ACO1: variants seen among roughly 807,000 people sequenced by gnomAD.
The protein encoded by ACO1 is aconitase 1.
A neutral mutation model predicts 105.1 loss-of-function variants in ACO1; 78 were observed. That is an observed-to-expected ratio of 0.74 (90% CI 0.62 to 0.90). The LOEUF is 0.90. ACO1 is among the 40% of genes least tolerant of loss of function. ACO1 has a pLI of 0.00. For synonymous variants in ACO1, 364 were observed against 397.4 expected (o/e 0.92, Z 1.00); for missense variants, 965 against 1,111.1 (o/e 0.87, Z 1.87).
chr9:32,411,062 G>A (rs1400973683), intron 4 of ACO1, among the ~76,000 whole-genome samples: 2 of 152,094 alleles, frequency 1.3e-5, no homozygotes, highest in African/African-American at 4.8e-5. Context: ...CTAAGGCCTA[G>A]CTAAGGACCA....
chr9:32,390,740 G>A (rs1821250334), intron 1 of ACO1, among the ~76,000 whole-genome samples: 1 of 152,104 alleles, frequency 6.6e-6, no homozygotes, highest in Admixed American at 6.5e-5. Flanking sequence ...AAAGAATCAT[G>A]GTGAAAAGAG....
intron 4 of ACO1, among the ~76,000 whole-genome samples, chr9:32,416,511 T>G (rs1041540309): frequency 5.3e-5 from 8 of 152,152 alleles, no homozygotes. Context: ...ATTGATACCA[T>G]GTCCTTCTGG....
intron 18 of ACO1, among the ~76,000 whole-genome samples, chr9:32,438,498 T>C (rs1160919327): frequency 1.3e-5 from 2 of 152,190 alleles, no homozygotes; most frequent in African/African-American, 4.8e-5. Context: ...GCTCCAGGAA[T>C]GATAGCTCCA....
At chr9:32,433,532 C>A (rs1822286511) in intron 15 of ACO1, among the ~76,000 whole-genome samples, 196 bp from the exon 16 acceptor site, 1 of 152,118 alleles carries the variant, frequency 6.6e-6, no homozygotes, top group South Asian at 2.1e-4. Context: ...CTACCATGCC[C>A]AGCCCACAGT....
intron 1 of ACO1, among the ~76,000 whole-genome samples, chr9:32,396,956 A>T (rs536527369): frequency 7.2e-5 from 11 of 152,342 alleles, no homozygotes; most frequent in Non-Finnish European, 1.2e-4. Context: ...TGGCTAATTC[A>T]AAATAAAACC....
intron 4 of ACO1, among the ~76,000 whole-genome samples, chr9:32,414,618 G>A (rs954969354): frequency 2.6e-5 from 4 of 152,088 alleles, no homozygotes; most frequent in Admixed American, 6.6e-5. Flanking sequence ...ACATTCCTCC[G>A]TCAATCATCA....
intron 10 of ACO1, 62 bp downstream of exon 10, chr9:32,424,727 G>C: frequency 8.8e-7 from 1 of 1,142,102 alleles, no homozygotes; most frequent in Non-Finnish European, 1.3e-6. Flanking sequence ...GTTACTCAGC[G>C]TCCAGGCTTT....
intron 4 of ACO1, among the ~76,000 whole-genome samples, chr9:32,414,985 G>A (rs893917840): frequency 1.3e-5 from 2 of 152,042 alleles, no homozygotes; most frequent in Non-Finnish European, 2.9e-5. Context: ...GGGAGTCTGT[G>A]GGTTTTTCAA....
chr9:32,412,058 A>G (rs1821752027), intron 4 of ACO1, among the ~76,000 whole-genome samples: 1 of 152,192 alleles, frequency 6.6e-6, no homozygotes, highest in Non-Finnish European at 1.5e-5. Flanking sequence ...AGCTGACTTC[A>G]GAAAAAGCTT....
intron 7 of ACO1, among the ~76,000 whole-genome samples, chr9:32,419,891 A>C (rs1289662367): frequency 1.3e-5 from 2 of 152,226 alleles, no homozygotes; most frequent in South Asian, 2.1e-4. Context: ...AATGATCACA[A>C]ACATAATTTT....
chr9:32,442,806 G>A (rs1288680021), intron 19 of ACO1, among the ~76,000 whole-genome samples: 2 of 152,102 alleles, frequency 1.3e-5, no homozygotes, highest in African/African-American at 2.4e-5. Context: ...GACTTCATGG[G>A]TCCAATTACC....
intron 9 of ACO1, among the ~76,000 whole-genome samples, chr9:32,423,992 G>A (rs961682409): frequency 5.9e-5 from 9 of 152,236 alleles, no homozygotes; most frequent in African/African-American, 1.9e-4. Context: ...AGAAAGAAGT[G>A]AAGGTACAAA....
intron 2 of ACO1, among the ~76,000 whole-genome samples, chr9:32,406,806 C>T (rs1821621130): frequency 1.3e-5 from 2 of 152,266 alleles, no homozygotes; most frequent in South Asian, 2.1e-4. Context: ...TTTTTTGAAA[C>T]AGAGTCTTGC....
chr9:32,436,312 G>A lies in ACO1; in HGVS notation c.2162G>A (p.Arg721Gln), dbSNP rs769000549. The A allele has an allele frequency of 1.7e-5, 27 of 1,613,984 alleles. 2 individuals are homozygous for A. The highest frequency in any genetic ancestry group is 1.3e-4 in the South Asian group (12 of 91,082). The change falls in exon 18 of 21, where the codon CGG becomes CAG. Residue 721 changes from arginine to glutamine, a missense_variant. Coordinates refer to ENST00000309951, the MANE Select transcript of ACO1 (RefSeq NM_002197.3). The part of the protein sequence containing the change: ...SRRGNDAVMA[R>Q]GTFANIRLLN... ...CGAGGTAATGACGCCGTCATGGCAC[G>A]GGGAACATTTGCCAACATTCGCTTG...
intron 1 of ACO1, among the ~76,000 whole-genome samples, chr9:32,387,352 C>T (rs1821176102): frequency 1.3e-5 from 2 of 152,246 alleles, no homozygotes; most frequent in Non-Finnish European, 2.9e-5. Context: ...CTTCCTAACT[C>T]CGTGTTCAGT....
intron 12 of ACO1, among the ~76,000 whole-genome samples, chr9:32,429,135 A>G (rs1822168341): frequency 6.6e-6 from 1 of 152,202 alleles, no homozygotes; most frequent in African/African-American, 2.4e-5. Context: ...GGATTATACA[A>G]TAATAGTAGT....
At chr9:32,438,792 T>A (rs1822417821) in intron 18 of ACO1, among the ~76,000 whole-genome samples, 1 of 152,164 alleles carries the variant, frequency 6.6e-6, no homozygotes, top group African/African-American at 2.4e-5. Flanking sequence ...AAATGCTGAC[T>A]TACCAAAATA....
intron 1 of ACO1, among the ~76,000 whole-genome samples, chr9:32,391,513 A>G (rs1187717704): frequency 6.6e-6 from 1 of 152,194 alleles, no homozygotes; most frequent in Non-Finnish European, 1.5e-5. Context: ...CCTTAGATGA[A>G]TTAGTAAGGC....
rs376055682 is a variant in ACO1, at chr9:32,431,740, A to G, written c.1748A>G (p.Gln583Arg). 1.8e-5 allele frequency: 29 copies of G among 1,614,036 alleles called. No homozygotes were observed. Among genetic ancestry groups the G allele is most frequent in the Non-Finnish European group, 2.5e-5 (29 of 1,180,002 alleles). Residue 583 changes from glutamine to arginine, a missense_variant, in exon 15 of 21, where the codon CAG becomes CGG. Physicochemically the swap from Gln to Arg is conservative, Grantham distance 43. Transcript: ENST00000309951. ...EPLGVNAKGQ[Q>R]VFLKDIWPTR... ...CCAGGAGTAAATGCAAAGGGACAGC[A>G]GGTATTTCTGAAAGATATCTGGCCG...
Sources: gnomAD v4.1 joint callset for allele counts (sites outside exome capture counted in the v4.1 genomes callset) on GRCh38, gnomAD v4.1.1 for gene constraint, MANE v1.5 for transcripts, NCBI Gene and HGNC (gene_info 2026-07-23, HGNC 2026-07-21) for gene names.